HDAC9: variants seen among roughly 807,000 people sequenced by gnomAD.
HDAC9 encodes histone deacetylase 9, also known as MEF-2 interacting transcription repressor (MITR) protein.
Under a neutral mutation model 139.4 loss-of-function variants are expected in HDAC9, and 41 were observed. The observed-to-expected ratio is 0.29, with a 90% confidence interval of 0.23 to 0.38. The LOEUF is 0.38. HDAC9 is among the 10% of genes least tolerant of loss of function. The pLI is 1.00. For missense variants in HDAC9, 1,147 were observed against 1,297.0 expected, an observed-to-expected ratio of 0.88 and a Z score of 1.78; for synonymous variants, 517 against 476.2, an observed-to-expected ratio of 1.09 and a Z score of -1.12.
intron 17 of HDAC9, among the ~76,000 whole-genome samples, chr7:18,800,606 G>T (rs1793205185): frequency 6.6e-6 from 1 of 152,150 alleles, no homozygotes; most frequent in Non-Finnish European, 1.5e-5. Context: ...GCTGAAGTGG[G>T]TGGATTACTT....
intron 12 of HDAC9, among the ~76,000 whole-genome samples, chr7:18,698,728 T>G (rs896687596): frequency 6.6e-6 from 1 of 152,228 alleles, no homozygotes; most frequent in African/African-American, 2.4e-5. Context: ...AAGTGACTTT[T>G]CCCAGAAAGG....
intron 1 of HDAC9, among the ~76,000 whole-genome samples, chr7:18,460,788 C>CAAA (rs750144894): frequency 1.1e-4 from 5 of 45,198 alleles, no homozygotes; most frequent in Non-Finnish European, 1.5e-4. Flanking sequence ...AACTCTGTCT[C>CAAA]AAAAAAAAAA....
At chr7:18,408,360 G>A (rs1000023545) in intron 1 of HDAC9, among the ~76,000 whole-genome samples, 5 of 152,178 alleles carry the variant, frequency 3.3e-5, no homozygotes, top group African/African-American at 9.7e-5. Flanking sequence ...CCTAACTTGT[G>A]TCTGTCTCTT....
chr7:18,656,233 T>A (rs980957667), intron 11 of HDAC9, among the ~76,000 whole-genome samples: 5 of 152,130 alleles, frequency 3.3e-5, no homozygotes, highest in South Asian at 2.1e-4. Flanking sequence ...TATTCTCTCA[T>A]ATCTTAAATG....
intron 14 of HDAC9, among the ~76,000 whole-genome samples, chr7:18,750,969 G>T (rs1204754898): frequency 6.6e-6 from 1 of 152,106 alleles, no homozygotes; most frequent in Non-Finnish European, 1.5e-5. Context: ...CATAGCCTTC[G>T]AATGCCTTGT....
At position 18,767,080 on chromosome 7, in the gene HDAC9, AT is replaced by A. The variant is rs745340104; in HGVS notation, c.2165-20del. On this transcript the variant is annotated intron_variant, in intron 15 of 25. Transcript: ENST00000686413. ...AATTATATAACCTCCATTTATCTAT[AT>A]TTTTTATGTCTTCTTACTGTATAGG... is the stretch of plus-strand genomic sequence containing the variant. 16 of 1,229,774 alleles carry A rather than the reference AT, an allele frequency of 1.3e-5. No individual in the cohort carries two copies. The African/African-American group carries it at 2.1e-4, about 16-fold the overall frequency. The allele number at this position is 1,229,774 out of a possible 1,614,324, so 76.2% of individuals were successfully genotyped here. A position where few individuals can be genotyped will look rare whatever the true frequency, so the allele number is the denominator to read the frequency against.
intron 2 of HDAC9, among the ~76,000 whole-genome samples, chr7:18,168,555 ACT>A (rs1344522361): frequency 6.6e-6 from 1 of 151,286 alleles, no homozygotes; most frequent in Non-Finnish European, 1.5e-5. Context: ...GAGTACAAAA[ACT>A]CTGTGTGTGT....
chr7:18,132,774 G>C (rs1785102467), intron 1 of HDAC9, among the ~76,000 whole-genome samples: 1 of 152,158 alleles, frequency 6.6e-6, no homozygotes, highest in South Asian at 2.1e-4. Flanking sequence ...GTAAAATAAA[G>C]AGTTGGGCCT....
rs1195942275 is a variant in HDAC9, at chr7:18,745,818, T to C, written c.1910-3187T>C. ...GCCTCGGCCTCCCAAAGTGCTGGGA[T>C]TACAGGCGTGAGCCACCGTGCCCGG... is the stretch of plus-strand genomic sequence containing the variant. On this transcript the variant is annotated intron_variant, in intron 13 of 25. Transcript: ENST00000686413. Among the ~76,000 whole-genome samples the C allele has an allele frequency of 3.3e-5, 5 of 151,634 alleles. No individual in the cohort carries two copies. In the South Asian group the frequency reaches 1.0e-3, roughly 32 times the overall value.
upstream of HDAC9, among the ~76,000 whole-genome samples, chr7:18,494,161 C>T (rs975018127): frequency 3.2e-4 from 49 of 151,994 alleles, no homozygotes; most frequent in African/African-American, 1.0e-3. Flanking sequence ...TTAAGTCAAA[C>T]GCAGTTTGGA....
At chr7:18,903,825 A>G (rs540802389) in intron 22 of HDAC9, among the ~76,000 whole-genome samples, 3 of 152,276 alleles carry the variant, frequency 2.0e-5, no homozygotes, top group African/African-American at 7.2e-5. Flanking sequence ...ACTCTGGCTT[A>G]GGATCTTTGT....
In HDAC9 at chr7:18,975,808, A is replaced by G. The variant is rs2129337717; in HGVS notation, c.3025A>G (p.Lys1009Glu). ...SLQKIIEIQS[K>E]YWKSVRMVAV... ...AGTATGATGGATGTTTTTCCTAGGC[A>G]AGTATTGGAAGTCAGTAAGGATGGT... Residue 1009 changes from lysine to glutamate, a missense_variant and splice_region_variant, in exon 25 of 26, where the codon AAG becomes GAG. This residue lies in a region of HDAC9 where 407 missense variants were observed against 521.5 expected (regional missense o/e 0.78). Transcript: ENST00000686413. 6.2e-7 allele frequency: 1 copy of G among 1,613,314 alleles called. No individual in the cohort carries two copies. The highest frequency in any genetic ancestry group is 8.5e-7 in the Non-Finnish European group (1 of 1,179,588).
At chr7:18,483,562 T>G (rs2128129617) in intron 1 of HDAC9, among the ~76,000 whole-genome samples, 2 of 152,324 alleles carry the variant, frequency 1.3e-5, no homozygotes, top group Middle Eastern at 6.8e-3. Flanking sequence ...GTGGCCATGT[T>G]GTCTAATGTG....
intron 12 of HDAC9, among the ~76,000 whole-genome samples, chr7:18,721,244 A>T (rs1785119869): frequency 6.6e-6 from 1 of 152,120 alleles, no homozygotes; most frequent in Non-Finnish European, 1.5e-5. Context: ...GTACAATTCA[A>T]GTTTCCTATG....
In HDAC9 at chr7:18,281,630, C is replaced by T. The variant is rs903109862; in HGVS notation, c.25+119281C>T. ...TCAATTACCTTAGCTTCTATTGAAC[C>T]GTATTCTAAACACCTTCCTTTGTAA... is the stretch of plus-strand genomic sequence containing the variant. On this transcript the variant is annotated intron_variant, in intron 2 of 12. Transcript: ENST00000417496. Among the ~76,000 whole-genome samples the T allele has an allele frequency of 5.9e-5, 9 of 152,282 alleles. No individual in the cohort carries two copies. In the South Asian group the frequency reaches 6.2e-4, roughly 11 times the overall value.
intron 17 of HDAC9, among the ~76,000 whole-genome samples, chr7:18,814,776 C>A (rs1248578995): frequency 6.6e-6 from 1 of 152,012 alleles, no homozygotes; most frequent in Non-Finnish European, 1.5e-5. Context: ...TAGTGTATAG[C>A]CTTGGAAAAT....
chr7:18,958,576 C>G (rs1025002158), intron 24 of HDAC9, among the ~76,000 whole-genome samples: 2 of 152,102 alleles, frequency 1.3e-5, no homozygotes, highest in Admixed American at 1.3e-4. Flanking sequence ...TTAGCACAAT[C>G]TTTTGATGGC....
intron 22 of HDAC9, among the ~76,000 whole-genome samples, chr7:18,885,382 T>C (rs1800063144): frequency 6.6e-6 from 1 of 152,238 alleles, no homozygotes; most frequent in African/African-American, 2.4e-5. Context: ...GCCTCAATGC[T>C]TCTCTGCACT....
At chr7:18,268,697 TTGCCC>T (rs1796155420) in intron 2 of HDAC9, among the ~76,000 whole-genome samples, 2 of 152,180 alleles carry the variant, frequency 1.3e-5, no homozygotes, top group Admixed American at 1.3e-4. Flanking sequence ...GTGAGCCATT[TTGCCC>T]TTGTTTATTT....
Sources: gnomAD v4.1 joint callset for allele counts (sites outside exome capture counted in the v4.1 genomes callset) on GRCh38, gnomAD v4.1.1 for gene constraint, gnomAD v4.1.1 regional missense constraint, MANE v1.5 for transcripts, NCBI Gene and HGNC (gene_info 2026-07-23, HGNC 2026-07-21) for gene names.